TG: variants seen among roughly 807,000 people sequenced by gnomAD.
TG encodes thyroid hormones.
Under a neutral mutation model 324.7 loss-of-function variants are expected in TG, and 270 were observed. The observed-to-expected ratio is 0.83, with a 90% CI of 0.75 to 0.92. The LOEUF (loss-of-function observed/expected upper bound fraction) is 0.92, where lower values mean the gene tolerates loss of function less well. Among genes scored for constraint, TG ranks in the 40% least tolerant of loss-of-function variants. The pLI is 0.00. For missense variants in TG, 3,591 were observed against 3,456.4 expected (o/e 1.04, Z -0.98); for synonymous variants, 1,401 against 1,327.0 (o/e 1.06, Z -1.21).
At chr8:132,986,380 G>A (rs528421340) in intron 35 of TG, among the ~76,000 whole-genome samples, 7,410 of 44,212 alleles carry the variant, frequency 0.17, 650 homozygotes, top group African/African-American at 0.41. Flanking sequence ...GTATATATAT[G>A]TGTGTATATA....
chr8:133,107,504 T>C (rs1039406017), intron 43 of TG, among the ~76,000 whole-genome samples: 21 of 152,192 alleles, frequency 1.4e-4, no homozygotes, highest in African/African-American at 5.1e-4. Flanking sequence ...AGTCACACGG[T>C]GGCCCCCACT....
At chr8:133,030,945 A>G (rs528401005) in intron 41 of TG, among the ~76,000 whole-genome samples, 18 of 152,362 alleles carry the variant, frequency 1.2e-4, no homozygotes, top group Non-Finnish European at 1.5e-4. Flanking sequence ...TCCTGAGTCC[A>G]TGGGGAGCCT....
intron 41 of TG, among the ~76,000 whole-genome samples, chr8:133,060,934 TTTTCAAGTTAACCACCCAGGC>T (rs1287354011): frequency 4.6e-5 from 7 of 152,298 alleles, no homozygotes; most frequent in Admixed American, 3.9e-4. Context: ...TCCATAACGG[TTTTCAAGTTAACCACCCAGGC>T]TTAAATTCTG....
chr8:133,029,241 AAT>A (rs113483187), intron 40 of TG, among the ~76,000 whole-genome samples: 29,696 of 151,902 alleles, frequency 0.2, 3,189 homozygotes, highest in Middle Eastern at 0.26. Context: ...TAAAAAAAAA[AAT>A]AGTGTTGAGT....
intron 41 of TG, chr8:133,040,462 C>T (rs1417167619): frequency 3.5e-6 from 1 of 286,136 alleles, no homozygotes; most frequent in Admixed American, 4.6e-5. Flanking sequence ...TTCCTTTCTT[C>T]AACTGCAGAA....
intron 38 of TG, among the ~76,000 whole-genome samples, chr8:133,018,926 G>A (rs1313419206): frequency 6.6e-6 from 1 of 152,204 alleles, no homozygotes; most frequent in African/African-American, 2.4e-5. Context: ...GAGTGGAAAG[G>A]CATGGATTTC....
chr8:133,125,344 C>T (rs1050739913), intron 45 of TG, among the ~76,000 whole-genome samples: 1 of 152,114 alleles, frequency 6.6e-6, no homozygotes, highest in Non-Finnish European at 1.5e-5. Context: ...AAGAAAAGAA[C>T]CTTGTGTAAA....
At chr8:133,027,520 G>A (rs561687079) in intron 40 of TG, among the ~76,000 whole-genome samples, 1 of 152,310 alleles carries the variant, frequency 6.6e-6, no homozygotes, top group African/African-American at 2.4e-5. Flanking sequence ...CTGCAGCAGA[G>A]GGGGCGGCCC....
chr8:133,022,214 A>G, intron 40 of TG, 64 bp downstream of exon 40: 1 of 1,607,204 alleles, frequency 6.2e-7, no homozygotes, highest in Non-Finnish European at 8.5e-7. Flanking sequence ...CCTTTTCCCC[A>G]AGACCCATCC....
chr8:133,107,987 T>C (rs1341456685), intron 43 of TG, among the ~76,000 whole-genome samples: 14 of 139,924 alleles, frequency 1.0e-4, no homozygotes, highest in African/African-American at 3.8e-4. Flanking sequence ...TTCTTCTTTT[T>C]TTTTTTTTTT....
chr8:132,996,195 T>TATTA (rs138399224), intron 35 of TG, among the ~76,000 whole-genome samples: 3,239 of 152,316 alleles, frequency 0.021, 110 homozygotes, highest in African/African-American at 0.073. Flanking sequence ...ATGATGTAGT[T>TATTA]ATTCTTGCAG....
intron 41 of TG, among the ~76,000 whole-genome samples, chr8:133,081,801 C>G (rs1286461163): frequency 6.6e-6 from 1 of 152,104 alleles, no homozygotes; most frequent in African/African-American, 2.4e-5. Flanking sequence ...TGAGCAGGAC[C>G]CAATTTCAGT....
chr8:132,929,955 A>G (rs995923087), intron 23 of TG, among the ~76,000 whole-genome samples: 4 of 152,160 alleles, frequency 2.6e-5, no homozygotes, highest in African/African-American at 7.2e-5. Flanking sequence ...TCACCCAGGT[A>G]GTGAGCGTAG....
intron 34 of TG, among the ~76,000 whole-genome samples, chr8:132,972,997 A>G (rs1269230342): frequency 2.6e-5 from 4 of 152,212 alleles, no homozygotes; most frequent in Non-Finnish European, 1.5e-5. Context: ...TGTAACAAGA[A>G]CAAATAGGCA....
chr8:132,893,704 G>T lies in TG; in HGVS notation c.2776G>T (p.Glu926Ter). 2 of 1,613,860 alleles carry T rather than the reference G, an allele frequency of 1.2e-6. No individual in the cohort carries two copies. The highest frequency in any genetic ancestry group is 8.5e-7 in the Non-Finnish European group (1 of 1,179,890). Residue 926 changes from glutamate to a stop codon, truncating the protein, a stop_gained, in exon 11 of 48, where the codon GAG becomes TAG. Transcript: ENST00000220616. LOFTEE classifies it high-confidence loss of function. ...SKLPTCPGSC[E>*]EAKLRVLQFI... is the part of the protein sequence containing the mutation. ...TATTCCCCTAGGTCCTGGCTCCTGT[G>T]AGGAAGCAAAGCTCCGTGTACTGCA...
In TG at chr8:132,976,110, C is replaced by A. The variant is rs1163910889; in HGVS notation, c.6199+3369C>A. Among the ~76,000 whole-genome samples the A allele has an allele frequency of 2.0e-5, 3 of 152,128 alleles. No homozygotes were observed. The East Asian group carries it at 5.8e-4, about 29-fold the overall frequency. ...AGAAATGAAATACTAGAACACTTAT[C>A]AGTAAAGTGTCACGGAAACATGGGA... On this transcript the variant is annotated intron_variant, in intron 34 of 47. Transcript: ENST00000220616.
At chr8:132,877,124 C>T (rs925820078) in intron 5 of TG, among the ~76,000 whole-genome samples, 8 of 151,852 alleles carry the variant, frequency 5.3e-5, no homozygotes, top group African/African-American at 1.9e-4. Context: ...AGGCTACGGC[C>T]CCCTCTTATT....
At chr8:132,920,977 C>T (rs1395886926) in intron 21 of TG, among the ~76,000 whole-genome samples, 1 of 152,178 alleles carries the variant, frequency 6.6e-6, no homozygotes, top group Non-Finnish European at 1.5e-5. Context: ...GTCAGTGTGC[C>T]CACATGATTG....
intron 35 of TG, among the ~76,000 whole-genome samples, chr8:132,995,778 A>G: frequency 6.6e-6 from 1 of 152,206 alleles, no homozygotes. Flanking sequence ...TAATGAACTT[A>G]GTAATTTGTC....
Sources: gnomAD v4.1 joint callset for allele counts (sites outside exome capture counted in the v4.1 genomes callset) on GRCh38, gnomAD v4.1.1 for gene constraint, MANE v1.5 for transcripts, NCBI Gene and HGNC (gene_info 2026-07-23, HGNC 2026-07-21) for gene names.